TMEM107: variants seen among roughly 807,000 people sequenced by gnomAD.
TMEM107 encodes transmembrane protein 107.
In TMEM107, 18 loss-of-function variants were observed where a neutral mutation model predicts 16.8. The ratio of observed to expected loss-of-function variants is 1.07; its 90% CI spans 0.74 to 1.59. The LOEUF (loss-of-function observed/expected upper bound fraction) is 1.59. TMEM107 is among the 40% of genes most tolerant of loss of function. The pLI, the probability that TMEM107 is intolerant of heterozygous loss-of-function variation, is 0.00. For synonymous variants in TMEM107, 68 were observed against 71.6 expected, an observed-to-expected ratio of 0.95 and a Z score of 0.25; for missense variants, 152 against 175.4, an observed-to-expected ratio of 0.87 and a Z score of 0.75.
Position 8,172,509 on chromosome 17 carries a change from G to T in TMEM107, c.*1694C>A, listed in dbSNP as rs1983615515. Among the ~76,000 whole-genome samples the T allele has an allele frequency of 6.6e-6, 1 of 151,738 alleles. No individual in the cohort carries two copies. The highest frequency in any genetic ancestry group is 6.6e-5 in the Admixed American group (1 of 15,206). ...GAACAGTATAATAGTAGGCAAACCA[G>T]GTGAACCACTGTTTCAAAACTAAGG... is the stretch of plus-strand genomic sequence containing the variant. On this transcript the variant is annotated 3_prime_UTR_variant, in exon 5 of 5. Coordinates refer to ENST00000437139, the MANE Select transcript of TMEM107 (RefSeq NM_183065.4).
chr17:8,173,349 TG>T lies in TMEM107; in HGVS notation c.*853del. On this transcript the variant is annotated 3_prime_UTR_variant, in exon 5 of 5. Coordinates refer to ENST00000437139, the MANE Select transcript of TMEM107 (RefSeq NM_183065.4). ...AATAGACAAACAGCAATAGCAAGAC[TG>T]CAAAATAGACAAACAGCAAGGTTAT... The T allele has an allele frequency of 6.6e-6, 4 of 610,292 alleles. No homozygotes were observed. In the South Asian group the frequency reaches 8.2e-5, roughly 13 times the overall value. 37.8% of individuals were successfully genotyped at this position (610,292 alleles called of 1,614,324 possible).
Position 8,172,885 on chromosome 17 carries a change from G to T in TMEM107, c.*1318C>A, listed in dbSNP as rs111388108. Among the ~76,000 whole-genome samples, 3 of 146,338 alleles carry T rather than the reference G, an allele frequency of 2.1e-5. No homozygotes were observed. Among genetic ancestry groups the T allele is most frequent in the African/African-American group, 7.7e-5 (3 of 39,026 alleles). ...AAAAAAAAAAAAAAAACCAAAAGAGGGGGGTGGTCAACATACCATATGCTG... is the reference window on the plus strand; with the variant it reads ...AAAAAAAAAAAAAAAACCAAAAGAGTGGGGTGGTCAACATACCATATGCTG... On this transcript the variant is annotated 3_prime_UTR_variant, in exon 5 of 5. Coordinates refer to ENST00000437139, the MANE Select transcript of TMEM107 (RefSeq NM_183065.4).
In TMEM107 at chr17:8,174,161, G is replaced by C; in HGVS notation, c.*42C>G. 6.3e-7 allele frequency: 1 copy of C among 1,579,834 alleles called. No individual in the cohort carries two copies. The highest frequency in any genetic ancestry group is 8.7e-7 in the Non-Finnish European group (1 of 1,148,870). ...CTTCCAGGAATACGAAGCGGCCCTT[G>C]CCCCTGTAGGCTTCGTCCTTAGGTT... On this transcript the variant is annotated 3_prime_UTR_variant, in exon 5 of 5. Transcript: ENST00000437139.
rs973850319 is a variant in TMEM107 at position 8,172,463 on chromosome 17, T to C, written c.*1740A>G. On this transcript the variant is annotated 3_prime_UTR_variant, in exon 5 of 5. Coordinates refer to ENST00000437139, the MANE Select transcript of TMEM107 (RefSeq NM_183065.4). Reference sequence around the variant, plus strand: ...GGTACTCAATAAGTATTTATTGAATTAATGTAAGAAGGAACAACCAGAACA... The same window carrying C: ...GGTACTCAATAAGTATTTATTGAATCAATGTAAGAAGGAACAACCAGAACA... Among the ~76,000 whole-genome samples the C allele has an allele frequency of 6.6e-6, 1 of 151,764 alleles. No homozygotes were observed. Among genetic ancestry groups the C allele is most frequent in the African/African-American group, 2.4e-5 (1 of 41,310 alleles).
rs1983770040 is a variant in TMEM107 at position 8,173,436 on chromosome 17, AAGTGATCGTC to A, written c.*757_*766del. On this transcript the variant is annotated 3_prime_UTR_variant, in exon 5 of 5. Transcript: ENST00000437139. ...CTGCTAATCAGCATAACACAAATGT[AAGTGATCGTC>A]AGAAAGAATCAGACAGGAGCAATCA... The A allele has an allele frequency of 1.3e-6, 1 of 760,278 alleles. No homozygotes were observed. Among genetic ancestry groups the A allele is most frequent in the Non-Finnish European group, 2.4e-6 (1 of 415,630 alleles). 47.1% of individuals were successfully genotyped at this position (760,278 alleles called of 1,614,324 possible).
In TMEM107 at chr17:8,176,354, C is replaced by T. The variant is rs373783170; in HGVS notation, c.-68G>A. The T allele has an allele frequency of 3.0e-6, 4 of 1,325,718 alleles. No individual in the cohort carries two copies. The highest frequency in any genetic ancestry group is 4.3e-5 in the Admixed American group (2 of 46,276). The allele number at this position is 1,325,718 out of a possible 1,614,324, so 82.1% of individuals were successfully genotyped here. On this transcript the variant is annotated 5_prime_UTR_variant, in exon 1 of 5. Coordinates refer to ENST00000437139, the MANE Select transcript of TMEM107 (RefSeq NM_183065.4). ...CAGAGACAGCGACTCCTGAAGTCTCCCCGCAAGCCGACAAATCTAGACGAA... is the reference window on the plus strand; with the variant it reads ...CAGAGACAGCGACTCCTGAAGTCTCTCCGCAAGCCGACAAATCTAGACGAA...
In TMEM107 at chr17:8,173,349, T is replaced by G. The variant is rs79224651; in HGVS notation, c.*854A>C. On this transcript the variant is annotated 3_prime_UTR_variant, in exon 5 of 5. Coordinates refer to ENST00000437139, the MANE Select transcript of TMEM107 (RefSeq NM_183065.4). ...AATAGACAAACAGCAATAGCAAGAC[T>G]GCAAAATAGACAAACAGCAAGGTTA... 109,411 of 609,538 alleles carry G rather than the reference T, an allele frequency of 0.18. 11,359 individuals are homozygous for G. Among genetic ancestry groups the G allele is most frequent in the Non-Finnish European group, 0.23 (76,394 of 334,272 alleles). 37.8% of individuals were successfully genotyped at this position (609,538 alleles called of 1,614,324 possible). A position where few individuals can be genotyped will look rare whatever the true frequency, so the allele number is the denominator to read the frequency against.
At chr17:8,175,901 T>G (rs1567554521) in intron 2 of TMEM107, 44 bp from the exon 3 acceptor site, 1 of 1,613,976 alleles carries the variant, frequency 6.2e-7, no homozygotes. Flanking sequence ...GGACTTATTC[T>G]AAGACCCCTC....
At chr17:8,176,079 G>T (rs1984111702) in intron 1 of TMEM107, 53 bp from the exon 2 acceptor site, 28 of 1,612,042 alleles carry the variant, frequency 1.7e-5, no homozygotes, top group Non-Finnish European at 2.4e-5. Context: ...TGCAGGGCAG[G>T]CCTGGGGGCG....
chr17:8,174,127 G>T lies in TMEM107; in HGVS notation c.*76C>A. ...TTCCGAGGGGAAAACCGAAGCCTAT[G>T]CCTTCCTTCTTCCAGGAATACGAAG... is the stretch of plus-strand genomic sequence containing the variant. On this transcript the variant is annotated 3_prime_UTR_variant, in exon 5 of 5. Coordinates refer to ENST00000437139, the MANE Select transcript of TMEM107 (RefSeq NM_183065.4). 7.5e-7 allele frequency: 1 copy of T among 1,334,092 alleles called. No individual in the cohort carries two copies. The highest frequency in any genetic ancestry group is 1.1e-6 in the Non-Finnish European group (1 of 926,078). The allele number at this position is 1,334,092 out of a possible 1,614,324, so 82.6% of individuals were successfully genotyped here. A position where few individuals can be genotyped will look rare whatever the true frequency, so the allele number is the denominator to read the frequency against.
chr17:8,176,053 T>A, intron 1 of TMEM107, 27 bp from the exon 2 acceptor site: 1 of 1,612,154 alleles, frequency 6.2e-7, no homozygotes, highest in East Asian at 2.2e-5. Flanking sequence ...GGAAGAGAAG[T>A]GAAAAAGGGG....
chr17:8,173,078 G>C lies in TMEM107; in HGVS notation c.*1125C>G, dbSNP rs529175428. 1.2e-4 allele frequency among the ~76,000 whole-genome samples: 18 copies of C among 152,168 alleles called. 1 individual carries two copies. In the South Asian group the frequency reaches 3.7e-3, roughly 32 times the overall value. The stretch of plus-strand genomic sequence containing the variant: ...GCCGTGCACTCCTGCCTTGGCGACA[G>C]ACCAAGACCCTACCTCAAGGAAAAA... On this transcript the variant is annotated 3_prime_UTR_variant, in exon 5 of 5. Transcript: ENST00000437139.
In TMEM107 at chr17:8,175,946, C is replaced by T; in HGVS notation, c.155+13G>A. The stretch of plus-strand genomic sequence containing the variant: ...CACCTCTTCGTTCTGGCCACCCCGT[C>T]CCAAGAGCTCACTGAATGTCCTGCT... On this transcript the variant is annotated intron_variant, in intron 2 of 4. Coordinates refer to ENST00000437139, the MANE Select transcript of TMEM107 (RefSeq NM_183065.4). 2 of 1,614,224 alleles carry T rather than the reference C, an allele frequency of 1.2e-6. No homozygotes were observed. The highest frequency in any genetic ancestry group is 2.2e-5 in the South Asian group (2 of 91,082).
In TMEM107 at chr17:8,173,199, G is replaced by A. The variant is rs1203288667; in HGVS notation, c.*1004C>T. 4 of 401,434 alleles carry A rather than the reference G, an allele frequency of 1.0e-5. No homozygotes were observed. The highest frequency in any genetic ancestry group is 4.6e-5 in the East Asian group (1 of 21,702). The allele number at this position is 401,434 out of a possible 1,614,324, so 24.9% of individuals were successfully genotyped here. A position where few individuals can be genotyped will look rare whatever the true frequency, so the allele number is the denominator to read the frequency against. ...ATGTGCAATGTTTCCTGAGAAGTGA[G>A]GATTAAAGTTATCAAACGACAAAAA... On this transcript the variant is annotated 3_prime_UTR_variant, in exon 5 of 5. Coordinates refer to ENST00000437139, the MANE Select transcript of TMEM107 (RefSeq NM_183065.4).
In TMEM107 at chr17:8,173,338, A is replaced by G. The variant is rs1055375501; in HGVS notation, c.*865T>C. The G allele has an allele frequency of 1.9e-4, 110 of 585,898 alleles. No individual in the cohort carries two copies. Among genetic ancestry groups the G allele is most frequent in the Middle Eastern group, 1.4e-3 (3 of 2,154 alleles). 36.3% of individuals were successfully genotyped at this position (585,898 alleles called of 1,614,324 possible). A position where few individuals can be genotyped will look rare whatever the true frequency, so the allele number is the denominator to read the frequency against. On this transcript the variant is annotated 3_prime_UTR_variant, in exon 5 of 5. Coordinates refer to ENST00000437139, the MANE Select transcript of TMEM107 (RefSeq NM_183065.4). ...CAAGACTGCAAAATAGACAAACAGC[A>G]ATAGCAAGACTGCAAAATAGACAAA...
chr17:8,173,526 A>C lies in TMEM107; in HGVS notation c.*677T>G, dbSNP rs752572914. ...CGTTAATCACGTTTCATGCATCTCC[A>C]ATCATCATGTTCTAATCTGCCCTCC... On this transcript the variant is annotated 3_prime_UTR_variant, in exon 5 of 5. Transcript: ENST00000437139. 4.7e-5 allele frequency: 36 copies of C among 765,310 alleles called. No homozygotes were observed. Among genetic ancestry groups the C allele is most frequent in the Middle Eastern group, 2.3e-4 (1 of 4,424 alleles). The allele number at this position is 765,310 out of a possible 1,614,324, so 47.4% of individuals were successfully genotyped here. A position where few individuals can be genotyped will look rare whatever the true frequency, so the allele number is the denominator to read the frequency against.
Position 8,174,277 on chromosome 17 carries a change from C to A in TMEM107, c.354-5G>T. ...TCAGTGACAGCTGGAAGGGCACTACCAAGGCAAGTGGTAGATTCAGAAACC... is the reference window on the plus strand; with the variant it reads ...TCAGTGACAGCTGGAAGGGCACTACAAAGGCAAGTGGTAGATTCAGAAACC... On this transcript the variant is annotated splice_region_variant and splice_polypyrimidine_tract_variant and intron_variant, in intron 4 of 4. Coordinates refer to ENST00000437139, the MANE Select transcript of TMEM107 (RefSeq NM_183065.4). 6.2e-7 allele frequency: 1 copy of A among 1,613,632 alleles called. No individual in the cohort carries two copies. The highest frequency in any genetic ancestry group is 8.5e-7 in the Non-Finnish European group (1 of 1,179,506).
chr17:8,173,415 TA>T lies in TMEM107; in HGVS notation c.*787del, dbSNP rs1160207637. 4.0e-6 allele frequency: 3 copies of T among 745,558 alleles called. No homozygotes were observed. Among genetic ancestry groups the T allele is most frequent in the Non-Finnish European group, 7.4e-6 (3 of 405,972 alleles). The allele number at this position is 745,558 out of a possible 1,614,324, so 46.2% of individuals were successfully genotyped here. ...CATAGCTATGTTTGTGGATATCTGC[TA>T]ATCAGCATAACACAAATGTAAGTGA... On this transcript the variant is annotated 3_prime_UTR_variant, in exon 5 of 5. Transcript: ENST00000437139.
rs983102671 is a variant in TMEM107 at position 8,172,865 on chromosome 17, A to C, written c.*1338T>G. 2.0e-5 allele frequency among the ~76,000 whole-genome samples: 3 copies of C among 148,192 alleles called. No individual in the cohort carries two copies. The highest frequency in any genetic ancestry group is 7.4e-5 in the African/African-American group (3 of 40,530). On this transcript the variant is annotated 3_prime_UTR_variant, in exon 5 of 5. Coordinates refer to ENST00000437139, the MANE Select transcript of TMEM107 (RefSeq NM_183065.4). Reference sequence around the variant, plus strand: ...AGAGTGAGACTGTCTCAAAAAAAAAAAAAAAAAAAACCAAAAGAGGGGGGT... The same window carrying C: ...AGAGTGAGACTGTCTCAAAAAAAAACAAAAAAAAAACCAAAAGAGGGGGGT...
Sources: gnomAD v4.1 joint callset for allele counts (sites outside exome capture counted in the v4.1 genomes callset) on GRCh38, gnomAD v4.1.1 for gene constraint, MANE v1.5 for transcripts, NCBI Gene and HGNC (gene_info 2026-07-23, HGNC 2026-07-21) for gene names.